The following COL23A1 variants were observed in gnomAD, a reference collection of about 807,000 sequenced individuals.
COL23A1 encodes the protein collagen type XXIII alpha 1 chain, also known as collagen alpha-1(XXIII) chain.
Under a neutral mutation model 99.3 loss-of-function variants are expected in COL23A1, and 97 were observed. The observed-to-expected ratio is 0.98, with a 90% CI of 0.83 to 1.16. The LOEUF is 1.16. Ranked by LOEUF, COL23A1 falls within the 50% of genes most tolerant of loss-of-function variation. The pLI, the probability that COL23A1 is intolerant of heterozygous loss-of-function variation, is 0.00. For synonymous variants in COL23A1, 320 were observed against 308.2 expected (o/e 1.04, Z -0.40); for missense variants, 762 against 757.4 (o/e 1.01, Z -0.07).
intron 2 of COL23A1, among the ~76,000 whole-genome samples, chr5:178,429,650 A>T (rs116213199): frequency 0.019 from 2,820 of 152,190 alleles, 45 homozygotes; most frequent in Non-Finnish European, 0.029. Context: ...GTGAGGCTGC[A>T]CGCACTCTCG....
chr5:178,582,331 CGCTAATGG>C (rs535267964), intron 1 of COL23A1, among the ~76,000 whole-genome samples: 6 of 151,720 alleles, frequency 4.0e-5, no homozygotes, highest in African/African-American at 9.7e-5. Flanking sequence ...GGAGCTGGAG[CGCTAATGG>C]GCACGTCAAG....
intron 1 of COL23A1, among the ~76,000 whole-genome samples, chr5:178,580,589 A>C (rs946300793): frequency 1.3e-5 from 2 of 152,180 alleles, no homozygotes; most frequent in African/African-American, 4.8e-5. Context: ...CACATGATGA[A>C]AACTGCATAA....
chr5:178,476,891 C>T (rs1288572421), intron 2 of COL23A1, among the ~76,000 whole-genome samples: 1 of 152,246 alleles, frequency 6.6e-6, no homozygotes, highest in African/African-American at 2.4e-5. Flanking sequence ...ATGACTTAAA[C>T]TACTTCTCTG....
intron 1 of COL23A1, among the ~76,000 whole-genome samples, chr5:178,567,836 T>C (rs1204511560): frequency 6.6e-6 from 1 of 151,810 alleles, no homozygotes; most frequent in Non-Finnish European, 1.5e-5. Context: ...ATATAAATGA[T>C]TGAATAAATA....
intron 2 of COL23A1, among the ~76,000 whole-genome samples, chr5:178,542,423 G>A (rs564896852): frequency 4.6e-5 from 7 of 152,272 alleles, no homozygotes; most frequent in Non-Finnish European, 8.8e-5. Context: ...AAGCTATAAT[G>A]GGTGGCAGAG....
chr5:178,338,049 C>T (rs758269226), intron 2 of COL23A1, among the ~76,000 whole-genome samples: 11 of 152,210 alleles, frequency 7.2e-5, no homozygotes, highest in Non-Finnish European at 1.3e-4. Flanking sequence ...AGCTGAGAAA[C>T]GGAGGGGCTG....
chr5:178,337,088 A>AG (rs1409706594), intron 2 of COL23A1, among the ~76,000 whole-genome samples: 1 of 152,118 alleles, frequency 6.6e-6, no homozygotes, highest in African/African-American at 2.4e-5. Context: ...TTCCCATGGG[A>AG]GGGGGGCCTG....
chr5:178,305,827 G>A (rs966067265), intron 3 of COL23A1, among the ~76,000 whole-genome samples: 1 of 152,186 alleles, frequency 6.6e-6, no homozygotes, highest in Non-Finnish European at 1.5e-5. Context: ...GAGACATGGA[G>A]AAGGAGGCTC....
In COL23A1 at chr5:178,481,473, G is replaced by T. The variant is rs1168174750; in HGVS notation, c.361+79209C>A. 3.9e-5 allele frequency among the ~76,000 whole-genome samples: 6 copies of T among 152,210 alleles called. No homozygotes were observed. In the East Asian group the frequency reaches 1.2e-3, roughly 29 times the overall value. On this transcript the variant is annotated intron_variant, in intron 2 of 28. Transcript: ENST00000390654. The stretch of plus-strand genomic sequence containing the variant: ...TTTGCAAGTCATATATCTGATAAGT[G>T]ATTAATAACCAGAACATATAAAGAA...
intron 25 of COL23A1, among the ~76,000 whole-genome samples, chr5:178,244,577 CT>C (rs1204240510): frequency 6.6e-6 from 1 of 152,152 alleles, no homozygotes; most frequent in Non-Finnish European, 1.5e-5. Context: ...TAGTTTGGGC[CT>C]GGCAGGATGC....
chr5:178,263,780 C>G (rs1765764573), intron 8 of COL23A1, among the ~76,000 whole-genome samples: 1 of 152,178 alleles, frequency 6.6e-6, no homozygotes, highest in South Asian at 2.1e-4. Context: ...TTATTAGTAA[C>G]AGCCCCAAAC....
chr5:178,258,473 T>C (rs1479913333), intron 12 of COL23A1, among the ~76,000 whole-genome samples: 1 of 141,688 alleles, frequency 7.1e-6, no homozygotes, highest in Non-Finnish European at 1.5e-5. Flanking sequence ...CTCGGCTCAC[T>C]GTGAGCTCTG....
chr5:178,454,771 G>A (rs1037679918), intron 2 of COL23A1, among the ~76,000 whole-genome samples: 6 of 152,244 alleles, frequency 3.9e-5, no homozygotes, highest in African/African-American at 1.4e-4. Flanking sequence ...CGGTGTGCAG[G>A]CGTGTTCATT....
At chr5:178,295,960 AG>A (rs971615938) in intron 3 of COL23A1, among the ~76,000 whole-genome samples, 12 of 152,224 alleles carry the variant, frequency 7.9e-5, no homozygotes, top group Non-Finnish European at 1.2e-4. Context: ...GCTTCTGAGT[AG>A]GGGGGCCAAA....
chr5:178,258,239 ATATAT>A (rs1561797698), intron 12 of COL23A1, among the ~76,000 whole-genome samples: 6 of 97,348 alleles, frequency 6.2e-5, no homozygotes, highest in African/African-American at 1.9e-4. Flanking sequence ...GTCTTAAAAT[ATATAT>A]ATATATATAT....
chr5:178,420,361 TCC>T lies in COL23A1; in HGVS notation c.362-113444_362-113443del, dbSNP rs1265517680. Among the ~76,000 whole-genome samples, 484 of 58,132 alleles carry T rather than the reference TCC, an allele frequency of 8.3e-3. 1 individual carries two copies. Among genetic ancestry groups the T allele is most frequent in the African/African-American group, 0.032 (448 of 14,190 alleles). The allele number at this position is 58,132 out of a possible 152,430, so 38.1% of individuals were successfully genotyped here. On this transcript the variant is annotated intron_variant, in intron 2 of 28. Transcript: ENST00000390654. Reference sequence around the variant, plus strand: ...CCTCCACTCCCTCCTCCCCTGCCCCTCCTCTCTTTCCTCCTCCCCTCCCCCCT... The same window carrying T: ...CCTCCACTCCCTCCTCCCCTGCCCCTTCTCTTTCCTCCTCCCCTCCCCCCT...
At chr5:178,556,485 T>G (rs1762279558) in intron 2 of COL23A1, among the ~76,000 whole-genome samples, 1 of 150,744 alleles carries the variant, frequency 6.6e-6, no homozygotes, top group Non-Finnish European at 1.5e-5. Context: ...TAGCTGGGCG[T>G]GGTGGCAGGC....
intron 2 of COL23A1, among the ~76,000 whole-genome samples, chr5:178,331,857 G>C (rs543149691): frequency 2.6e-5 from 4 of 152,284 alleles, no homozygotes; most frequent in Non-Finnish European, 5.9e-5. Context: ...CCGGCAGCCC[G>C]GGCAGTCAGC....
Position 178,415,509 on chromosome 5 carries a change from G to A in COL23A1, c.362-108590C>T, listed in dbSNP as rs189817026. Among the ~76,000 whole-genome samples, 95 of 152,244 alleles carry A rather than the reference G, an allele frequency of 6.2e-4. No individual in the cohort carries two copies. Among genetic ancestry groups the A allele is most frequent in the Non-Finnish European group, 1.0e-3 (71 of 68,008 alleles). On this transcript the variant is annotated intron_variant, in intron 2 of 28. Transcript: ENST00000390654. This position sits in a 1 kb window ranked among gnomAD's most constrained non-coding sequence, Gnocchi z 4.6. ...CTTGCTGCTGCCAGCCGGCCTCCAC[G>A]AACACTTCTACTGTCTCCTGACCTC...
Sources: gnomAD v4.1 joint callset for allele counts (sites outside exome capture counted in the v4.1 genomes callset) on GRCh38, gnomAD v4.1.1 for gene constraint, Gnocchi (gnomAD v3.1) non-coding constraint, MANE v1.5 for transcripts, NCBI Gene and HGNC (gene_info 2026-07-23, HGNC 2026-07-21) for gene names.